IFT140: variants seen among roughly 807,000 people sequenced by gnomAD.
The protein encoded by IFT140 is intraflagellar transport 140.
IFT140 carries 133 observed loss-of-function variants against 164.6 expected under a neutral mutation model. The ratio of observed to expected loss-of-function variants is 0.81; its 90% confidence interval spans 0.70 to 0.93. The LOEUF (loss-of-function observed/expected upper bound fraction) is 0.93. Among genes scored for constraint, IFT140 ranks in the 40% least tolerant of loss-of-function variants. The pLI is 0.00. For synonymous variants in IFT140, 860 were observed against 817.3 expected (o/e 1.05, Z -0.89); for missense variants, 2,045 against 1,972.3 (o/e 1.04, Z -0.70).
chr16:1,563,816 G>A (rs1196765772), intron 17 of IFT140, among the ~76,000 whole-genome samples, 181 bp downstream of exon 17: 1 of 152,160 alleles, frequency 6.6e-6, no homozygotes. Flanking sequence ...TTAGAGACGA[G>A]GGTCTCAATA....
intron 13 of IFT140, chr16:1,580,184 T>C (rs11867080): frequency 0.13 from 20,513 of 152,330 alleles, 2,330 homozygotes; most frequent in African/African-American, 0.31. Flanking sequence ...GGTCCTTGCC[T>C]TGTCTCCCGA....
intron 3 of IFT140, among the ~76,000 whole-genome samples, chr16:1,604,130 C>T (rs1329987161): frequency 6.6e-6 from 1 of 152,104 alleles, no homozygotes; most frequent in Non-Finnish European, 1.5e-5. Context: ...GAGAATCTAC[C>T]CAAAAAAATG....
At chr16:1,593,691 C>T (rs1451974814) in intron 4 of IFT140, among the ~76,000 whole-genome samples, 1 of 151,974 alleles carries the variant, frequency 6.6e-6, no homozygotes, top group East Asian at 1.9e-4. Context: ...CTCATAGTTG[C>T]CTGGGGTGGA....
intron 19 of IFT140, chr16:1,534,062 C>T: frequency 3.4e-6 from 2 of 591,978 alleles, no homozygotes; most frequent in Non-Finnish European, 5.6e-6. Flanking sequence ...GCAGCTTCAG[C>T]ACAGGCCTGG....
chr16:1,583,745 T>G (rs2034707692), intron 11 of IFT140, among the ~76,000 whole-genome samples: 1 of 152,024 alleles, frequency 6.6e-6, no homozygotes, highest in Admixed American at 6.6e-5. Flanking sequence ...TATTTTTTAT[T>G]ATTATGTTCT....
chr16:1,526,778 G>A lies in IFT140; in HGVS notation c.2418C>T (p.Asn806=). 4 of 1,610,094 alleles carry A rather than the reference G, an allele frequency of 2.5e-6. No homozygotes were observed. The highest frequency in any genetic ancestry group is 3.4e-6 in the Non-Finnish European group (4 of 1,179,022). ...KLIKSEAVWE[N]MARMCVKTQR... is the part of the protein sequence containing the mutation. ...GGGTCTTCACGCACATGCGCGCCAT[G>A]TTCTCCCAGACGGCCTCACTGTGGG... The change falls in exon 20 of 31, where the codon AAC becomes AAT. Residue 806 remains asparagine (N), a synonymous_variant. Transcript: ENST00000426508.
At position 1,527,379 on chromosome 16, in the gene IFT140, G is replaced by A. The variant is rs181561198; in HGVS notation, c.2400-583C>T. Among the ~76,000 whole-genome samples the A allele has an allele frequency of 3.9e-5, 6 of 152,294 alleles. No individual in the cohort carries two copies. In the East Asian group the frequency reaches 1.2e-3, roughly 29 times the overall value. On this transcript the variant is annotated intron_variant, in intron 19 of 30. Coordinates refer to ENST00000426508, the MANE Select transcript of IFT140 (RefSeq NM_014714.4). ...GGGTTCTGCAGAGCCCTGGAGGTCT[G>A]CCGAGCAGAGGGCCCTGGAGGCAGG...
chr16:1,568,324 C>A lies in IFT140; in HGVS notation c.1663G>T (p.Ala555Ser). 1 of 1,613,578 alleles carries A rather than the reference C, an allele frequency of 6.2e-7. No homozygotes were observed. Among genetic ancestry groups the A allele is most frequent in the Non-Finnish European group, 8.5e-7 (1 of 1,179,916 alleles). ...SFDLSRREAK[A>S]HCSCRSLAEL... Reference sequence around the variant, plus strand: ...GCCAGGCTCCTGCAGCTACAGTGTGCTTTGGCCTCTCTGCAGGGAGGAAGA... The same window carrying A: ...GCCAGGCTCCTGCAGCTACAGTGTGATTTGGCCTCTCTGCAGGGAGGAAGA... The change falls in exon 15 of 31, where the codon GCA becomes TCA. Residue 555 changes from alanine to serine, a missense_variant. Coordinates refer to ENST00000426508, the MANE Select transcript of IFT140 (RefSeq NM_014714.4).
chr16:1,592,028 A>ACTC, intron 6 of IFT140, 148 bp downstream of exon 6: 1 of 833,690 alleles, frequency 1.2e-6, no homozygotes, highest in Non-Finnish European at 1.9e-6. Flanking sequence ...TGGCTGCGGC[A>ACTC]CTCCGCCTGG....
chr16:1,536,078 C>T (rs370207386), intron 19 of IFT140, among the ~76,000 whole-genome samples: 3 of 152,360 alleles, frequency 2.0e-5, no homozygotes, highest in South Asian at 4.1e-4. Context: ...CACTGGCGTC[C>T]AGCCCACAGA....
intron 7 of IFT140, 85 bp from the exon 8 acceptor site, chr16:1,588,109 C>T (rs925180780): frequency 2.7e-5 from 29 of 1,061,786 alleles, no homozygotes; most frequent in Non-Finnish European, 4.1e-5. Flanking sequence ...CTCTGGTCCT[C>T]AGTGACTTCA....
chr16:1,534,138 T>C (rs1264823764), intron 19 of IFT140: 2 of 1,112,496 alleles, frequency 1.8e-6, no homozygotes, highest in African/African-American at 1.6e-5. Flanking sequence ...GACCATCCCA[T>C]GGGCCTCCGC....
chr16:1,518,448 G>T lies in IFT140; in HGVS notation c.4041-91C>A, dbSNP rs191115159. The T allele has an allele frequency of 3.2e-4, 418 of 1,308,876 alleles. 1 individual carries two copies. In the African/African-American group the frequency reaches 5.5e-3, roughly 17 times the overall value. The allele number at this position is 1,308,876 out of a possible 1,614,324, so 81.1% of individuals were successfully genotyped here. On this transcript the variant is annotated intron_variant, in intron 29 of 30. Transcript: ENST00000426508. ...AGGAGACTCTTGGCCTGTAAGAGGA[G>T]CTCTCCGGAATGGCAGGAGGAAACT...
intron 16 of IFT140, among the ~76,000 whole-genome samples, chr16:1,565,645 C>T (rs959877500): frequency 6.6e-6 from 1 of 152,248 alleles, no homozygotes; most frequent in Non-Finnish European, 1.5e-5. Flanking sequence ...TGGGCGGGCT[C>T]AGCTCCGTGG....
intron 19 of IFT140, among the ~76,000 whole-genome samples, chr16:1,552,534 C>T (rs2032737196): frequency 6.6e-6 from 1 of 152,204 alleles, no homozygotes; most frequent in Non-Finnish European, 1.5e-5. Flanking sequence ...CAGGCTCATT[C>T]CTTCACCCCA....
rs531005219 is a variant in IFT140 at position 1,551,959 on chromosome 16, C to T, written c.2399+5976G>A. Among the ~76,000 whole-genome samples the T allele has an allele frequency of 7.9e-5, 12 of 152,248 alleles. No homozygotes were observed. The East Asian group carries it at 1.7e-3, about 22-fold the overall frequency. On this transcript the variant is annotated intron_variant, in intron 19 of 30. Transcript: ENST00000426508. This position sits in a 1 kb window ranked among gnomAD's most constrained non-coding sequence, Gnocchi z 4.0. ...GGCCTCTCCCTGGTGACGTGTGGCC[C>T]GCGCTGTCCCCCTGCAATGACGGTA...
At chr16:1,589,346 G>A (rs2141878015) in intron 7 of IFT140, among the ~76,000 whole-genome samples, 1 of 152,288 alleles carries the variant, frequency 6.6e-6, no homozygotes, top group African/African-American at 2.4e-5. Context: ...TGCAGCTTGG[G>A]GGTGGGCCCA....
chr16:1,510,856 G>T lies in IFT140; in HGVS notation c.*88C>A. 1.6e-6 allele frequency: 2 copies of T among 1,224,780 alleles called. No individual in the cohort carries two copies. The highest frequency in any genetic ancestry group is 1.3e-5 in the South Asian group (1 of 77,764). 75.9% of individuals were successfully genotyped at this position (1,224,780 alleles called of 1,614,324 possible). A position where few individuals can be genotyped will look rare whatever the true frequency, so the allele number is the denominator to read the frequency against. On this transcript the variant is annotated 3_prime_UTR_variant, in exon 31 of 31. Coordinates refer to ENST00000426508, the MANE Select transcript of IFT140 (RefSeq NM_014714.4). ...TCCAACACAGACATGTTTTTTCCCAGCAAAAATGCTGGCTTTGCCACAGCT... is the reference window on the plus strand; with the variant it reads ...TCCAACACAGACATGTTTTTTCCCATCAAAAATGCTGGCTTTGCCACAGCT...
chr16:1,559,361 C>A (rs2141479674), intron 18 of IFT140, among the ~76,000 whole-genome samples: 1 of 152,198 alleles, frequency 6.6e-6, no homozygotes, highest in East Asian at 1.9e-4. Flanking sequence ...GTCCTGCTCA[C>A]AGCTCTGTGA....
Sources: gnomAD v4.1 joint callset for allele counts (sites outside exome capture counted in the v4.1 genomes callset) on GRCh38, gnomAD v4.1.1 for gene constraint, Gnocchi (gnomAD v3.1) non-coding constraint, MANE v1.5 for transcripts, NCBI Gene and HGNC (gene_info 2026-07-23, HGNC 2026-07-21) for gene names.